Variants in FSTL5 observed in about 807,000 individuals in gnomAD.
FSTL5 encodes follistatin-related protein 5.
In FSTL5, 62 loss-of-function variants were observed where a neutral mutation model predicts 89.1. The observed-to-expected ratio is 0.70, with a 90% confidence interval of 0.57 to 0.86. The LOEUF is 0.86. FSTL5 is among the 40% of genes least tolerant of loss of function. The pLI is 0.00. For synonymous variants in FSTL5, 383 were observed against 346.2 expected, an observed-to-expected ratio of 1.11 and a Z score of -1.18; for missense variants, 1,057 against 1,001.6, an observed-to-expected ratio of 1.06 and a Z score of -0.75.
At chr4:162,069,142 C>T (rs1051553039) in intron 2 of FSTL5, among the ~76,000 whole-genome samples, 4 of 152,000 alleles carry the variant, frequency 2.6e-5, no homozygotes, top group Non-Finnish European at 4.4e-5. Context: ...GTGGTAATTC[C>T]TCAAAGACCT....
At chr4:161,715,417 C>A (rs1000474342) in intron 6 of FSTL5, among the ~76,000 whole-genome samples, 1 of 151,936 alleles carries the variant, frequency 6.6e-6, no homozygotes, top group Non-Finnish European at 1.5e-5. Context: ...AATGACACAC[C>A]CTGTCATTTT....
chr4:161,596,809 G>T (rs894838494), intron 7 of FSTL5, among the ~76,000 whole-genome samples: 1 of 152,110 alleles, frequency 6.6e-6, no homozygotes, highest in African/African-American at 2.4e-5. Flanking sequence ...GGAGTAAAAT[G>T]AGCTGCAGGT....
At chr4:161,408,591 A>G (rs1257193874) in intron 15 of FSTL5, among the ~76,000 whole-genome samples, 4 of 152,188 alleles carry the variant, frequency 2.6e-5, no homozygotes, top group Admixed American at 2.0e-4. Flanking sequence ...GCCTAAAATG[A>G]CATATATGGA....
chr4:161,863,833 G>T (rs144501941), intron 4 of FSTL5, among the ~76,000 whole-genome samples: 3 of 152,146 alleles, frequency 2.0e-5, no homozygotes, highest in African/African-American at 7.2e-5. Context: ...CTTCAGCACC[G>T]CTGGGAGGGG....
intron 10 of FSTL5, among the ~76,000 whole-genome samples, chr4:161,522,838 C>A (rs1731085202): frequency 6.6e-6 from 1 of 151,480 alleles, no homozygotes; most frequent in Non-Finnish European, 1.5e-5. Context: ...AATATTTTAA[C>A]ATTAAATATA....
intron 2 of FSTL5, among the ~76,000 whole-genome samples, chr4:162,071,890 C>T (rs1361583696): frequency 1.3e-5 from 2 of 151,648 alleles, no homozygotes; most frequent in African/African-American, 4.8e-5. Flanking sequence ...ACAACATGCT[C>T]CTTAATGATG....
chr4:161,460,014 G>T (rs1733503644), intron 13 of FSTL5, among the ~76,000 whole-genome samples: 1 of 151,438 alleles, frequency 6.6e-6, no homozygotes. Flanking sequence ...ACAAAGTGAT[G>T]CCAGGAAGTT....
rs537924338 is a variant in FSTL5 at position 161,647,987 on chromosome 4, T to C, written c.894+8341A>G. On this transcript the variant is annotated intron_variant, in intron 7 of 15. Transcript: ENST00000306100. ...CTGGCAGAACGACACGGAGTTTGGCTGGGGCAATTGGAGGAGAGCCCGGGC... is the reference window on the plus strand; with the variant it reads ...CTGGCAGAACGACACGGAGTTTGGCCGGGGCAATTGGAGGAGAGCCCGGGC... Among the ~76,000 whole-genome samples, 26 of 152,162 alleles carry C rather than the reference T, an allele frequency of 1.7e-4. No homozygotes were observed. In the East Asian group the frequency reaches 4.5e-3, roughly 26 times the overall value.
intron 12 of FSTL5, among the ~76,000 whole-genome samples, chr4:161,487,742 C>G (rs1729729120): frequency 6.6e-6 from 1 of 151,982 alleles, no homozygotes; most frequent in South Asian, 2.1e-4. Context: ...CTGTCACAAT[C>G]TGAGTCTATT....
At chr4:161,879,407 T>C (rs1732554668) in intron 4 of FSTL5, among the ~76,000 whole-genome samples, 1 of 152,292 alleles carries the variant, frequency 6.6e-6, no homozygotes, top group Non-Finnish European at 1.5e-5. Flanking sequence ...AAGCCTAAAT[T>C]TCTTCACGAT....
chr4:162,114,180 C>T (rs948899788), intron 1 of FSTL5, among the ~76,000 whole-genome samples: 3 of 151,958 alleles, frequency 2.0e-5, no homozygotes, highest in Non-Finnish European at 4.4e-5. Context: ...TGCAACCCAT[C>T]CCCCTTTTTT....
intron 8 of FSTL5, among the ~76,000 whole-genome samples, chr4:161,583,898 C>T (rs556159885): frequency 6.6e-6 from 1 of 152,232 alleles, no homozygotes; most frequent in Non-Finnish European, 1.5e-5. Context: ...TTTATCATGT[C>T]CTCTCTTGTG....
At chr4:161,431,926 A>G (rs528598753) in intron 15 of FSTL5, among the ~76,000 whole-genome samples, 13 of 152,242 alleles carry the variant, frequency 8.5e-5, no homozygotes, top group African/African-American at 2.9e-4. Context: ...ATAATTGTAA[A>G]TATATATGTA....
At chr4:161,398,314 T>C (rs945058065) in intron 15 of FSTL5, among the ~76,000 whole-genome samples, 11 of 152,106 alleles carry the variant, frequency 7.2e-5, no homozygotes, top group Admixed American at 2.0e-4. Flanking sequence ...AATTCCACGC[T>C]GCAGTTGTAA....
At chr4:161,860,227 G>A (rs1248279348) in intron 4 of FSTL5, among the ~76,000 whole-genome samples, 4 of 152,118 alleles carry the variant, frequency 2.6e-5, no homozygotes, top group African/African-American at 9.7e-5. Context: ...GGCGGAGCTT[G>A]CAGTGAGAGG....
intron 8 of FSTL5, among the ~76,000 whole-genome samples, chr4:161,555,864 C>G (rs1056813187): frequency 1.3e-5 from 2 of 151,456 alleles, no homozygotes; most frequent in African/African-American, 2.4e-5. Flanking sequence ...ATAAGAGGAA[C>G]AGAAAATGTG....
chr4:161,888,228 T>C (rs1429008867), intron 4 of FSTL5, among the ~76,000 whole-genome samples: 1 of 152,112 alleles, frequency 6.6e-6, no homozygotes, highest in Admixed American at 6.6e-5. Context: ...CTGGTGAAAA[T>C]TGATAGAGTA....
At position 161,675,102 on chromosome 4, in the gene FSTL5, T is replaced by C. The variant is rs201729340; in HGVS notation, c.728-18608A>G. On this transcript the variant is annotated intron_variant, in intron 6 of 15. Transcript: ENST00000306100. ...TTTATAAGCATTTCAATTCACCAGA[T>C]AGGTATGACTCTAATAGGAATCCTT... 1.3e-4 allele frequency among the ~76,000 whole-genome samples: 20 copies of C among 152,282 alleles called. No homozygotes were observed. In the East Asian group the frequency reaches 1.9e-3, roughly 15 times the overall value.
intron 12 of FSTL5, among the ~76,000 whole-genome samples, chr4:161,486,404 G>A (rs534981514): frequency 6.6e-6 from 1 of 152,278 alleles, no homozygotes; most frequent in Non-Finnish European, 1.5e-5. Flanking sequence ...TGAGACAAAG[G>A]AGGGGAGAGA....
Sources: gnomAD v4.1 joint callset for allele counts (sites outside exome capture counted in the v4.1 genomes callset) on GRCh38, gnomAD v4.1.1 for gene constraint, MANE v1.5 for transcripts, NCBI Gene and HGNC (gene_info 2026-07-23, HGNC 2026-07-21) for gene names.